Variants in NEGR1 observed in about 807,000 individuals in gnomAD.
The protein encoded by NEGR1 is IgLON family member 4.
In NEGR1, 10 loss-of-function variants were observed where a neutral mutation model predicts 40.9. That is an observed-to-expected ratio of 0.24 (90% confidence interval 0.15 to 0.42). The LOEUF (loss-of-function observed/expected upper bound fraction) is 0.42, where lower values mean the gene tolerates loss of function less well. NEGR1 is among the 10% of genes least tolerant of loss of function. The pLI, the probability that NEGR1 is intolerant of heterozygous loss-of-function variation, is 1.00. For missense variants in NEGR1, 352 were observed against 438.9 expected, an observed-to-expected ratio of 0.80 and a Z score of 1.77; for synonymous variants, 185 against 166.8, an observed-to-expected ratio of 1.11 and a Z score of -0.84.
At chr1:71,902,854 C>T (rs1172772831) in intron 2 of NEGR1, among the ~76,000 whole-genome samples, 1 of 151,766 alleles carries the variant, frequency 6.6e-6, no homozygotes, top group Non-Finnish European at 1.5e-5. Flanking sequence ...CTAAAGTATA[C>T]TTAAATTATA....
intron 5 of NEGR1, among the ~76,000 whole-genome samples, chr1:71,607,767 C>G (rs543595721): frequency 1.8e-4 from 28 of 152,234 alleles, no homozygotes; most frequent in Non-Finnish European, 3.2e-4. Flanking sequence ...AATCTCGGCT[C>G]ACTGTAATCT....
intron 1 of NEGR1, among the ~76,000 whole-genome samples, chr1:72,018,895 C>G (rs546804583): frequency 6.6e-6 from 1 of 152,068 alleles, no homozygotes; most frequent in African/African-American, 2.4e-5. Flanking sequence ...GATCTAGCAC[C>G]GGTTTCAAAT....
chr1:71,809,870 C>T (rs544277687), intron 2 of NEGR1, among the ~76,000 whole-genome samples: 2 of 152,074 alleles, frequency 1.3e-5, no homozygotes, highest in East Asian at 1.9e-4. Flanking sequence ...TCTTACCAAC[C>T]TGTGATCCTA....
intron 1 of NEGR1, among the ~76,000 whole-genome samples, chr1:72,035,279 C>G (rs2100446131): frequency 6.6e-6 from 1 of 152,264 alleles, no homozygotes; most frequent in South Asian, 2.1e-4. Context: ...GTCTATTAAA[C>G]TTTCTGCTCC....
At chr1:71,973,719 A>G (rs1263727985) in intron 1 of NEGR1, among the ~76,000 whole-genome samples, 1 of 152,202 alleles carries the variant, frequency 6.6e-6, no homozygotes, top group Non-Finnish European at 1.5e-5. Flanking sequence ...CTAAAATGTG[A>G]ATGAAATAAC....
At chr1:72,225,114 C>T (rs1654134052) in intron 1 of NEGR1, among the ~76,000 whole-genome samples, 1 of 151,940 alleles carries the variant, frequency 6.6e-6, no homozygotes. Flanking sequence ...TTAATGGAAT[C>T]AGTGAATGCC....
At chr1:71,415,901 A>AGTGTGTATGTGGATGTGTGTGGGT (rs1646351637) in intron 6 of NEGR1, among the ~76,000 whole-genome samples, 1 of 151,956 alleles carries the variant, frequency 6.6e-6, no homozygotes, top group African/African-American at 2.4e-5. Flanking sequence ...CATATTTTGG[A>AGTGTGTATGTGGATGTGTGTGGGT]GTGTGTATGT....
intron 1 of NEGR1, among the ~76,000 whole-genome samples, chr1:72,258,076 A>G (rs1655332989): frequency 6.6e-6 from 1 of 152,196 alleles, no homozygotes; most frequent in East Asian, 1.9e-4. Flanking sequence ...ATCTCCATTC[A>G]TGCCGGTATT....
chr1:72,061,812 C>T (rs1264550595), intron 1 of NEGR1, among the ~76,000 whole-genome samples: 1 of 151,726 alleles, frequency 6.6e-6, no homozygotes, highest in African/African-American at 2.4e-5. Flanking sequence ...AAATTGTATT[C>T]TATGAAGCAA....
intron 2 of NEGR1, among the ~76,000 whole-genome samples, chr1:71,787,813 G>GC (rs1156933971): frequency 2.0e-5 from 3 of 152,154 alleles, no homozygotes; most frequent in Admixed American, 2.0e-4. Flanking sequence ...CCACAATCTT[G>GC]CCATCTTTGC....
chr1:71,540,769 T>C (rs552516968), intron 6 of NEGR1, among the ~76,000 whole-genome samples: 11 of 151,876 alleles, frequency 7.2e-5, no homozygotes, highest in Admixed American at 1.3e-4. Context: ...TGAGACTGGG[T>C]AATTTATAAA....
intron 4 of NEGR1, among the ~76,000 whole-genome samples, chr1:71,631,612 A>T (rs994905513): frequency 1.3e-5 from 2 of 151,776 alleles, no homozygotes; most frequent in African/African-American, 2.4e-5. Flanking sequence ...GGTAATCAAT[A>T]CATATTTATT....
intron 1 of NEGR1, chr1:72,275,254 T>A (rs1316614227): frequency 5.4e-6 from 3 of 556,984 alleles, no homozygotes; most frequent in Non-Finnish European, 6.4e-6. Flanking sequence ...TCTTAAAAGT[T>A]ATACCACATT....
intron 2 of NEGR1, among the ~76,000 whole-genome samples, chr1:71,879,905 T>G (rs1226627248): frequency 1.3e-5 from 2 of 152,114 alleles, no homozygotes; most frequent in African/African-American, 4.8e-5. Context: ...AATGTAAACC[T>G]CAGTATGAAG....
chr1:71,757,042 T>C (rs1655769507), intron 3 of NEGR1, among the ~76,000 whole-genome samples: 1 of 152,078 alleles, frequency 6.6e-6, no homozygotes, highest in Non-Finnish European at 1.5e-5. Context: ...AGACAAAAAA[T>C]ATACAATGAA....
chr1:72,092,578 T>C (rs922505552), intron 1 of NEGR1, among the ~76,000 whole-genome samples: 4 of 152,222 alleles, frequency 2.6e-5, no homozygotes, highest in Non-Finnish European at 5.9e-5. Context: ...TTTTCTCATT[T>C]TCAATCCACA....
intron 2 of NEGR1, among the ~76,000 whole-genome samples, chr1:71,867,463 G>A (rs890268223): frequency 6.6e-6 from 1 of 152,166 alleles, no homozygotes; most frequent in Non-Finnish European, 1.5e-5. Flanking sequence ...AATAATGGAG[G>A]AATTGGGGTT....
At chr1:71,602,033 T>A (rs1429021402) in intron 5 of NEGR1, among the ~76,000 whole-genome samples, 3 of 151,968 alleles carry the variant, frequency 2.0e-5, no homozygotes, top group African/African-American at 7.2e-5. Context: ...CTCTTGAAAA[T>A]CCCCTCAATA....
At chr1:72,044,420 A>G (rs1163575693) in intron 1 of NEGR1, among the ~76,000 whole-genome samples, 2 of 151,676 alleles carry the variant, frequency 1.3e-5, no homozygotes, top group African/African-American at 4.8e-5. Context: ...TGGCCTTTGC[A>G]CAATTCTATT....
Sources: gnomAD v4.1 joint callset for allele counts (sites outside exome capture counted in the v4.1 genomes callset) on GRCh38, gnomAD v4.1.1 for gene constraint, MANE v1.5 for transcripts, NCBI Gene and HGNC (gene_info 2026-07-23, HGNC 2026-07-21) for gene names.